The following NCOA7 variants were observed in gnomAD, a reference collection of about 807,000 sequenced individuals.
NCOA7 encodes the protein nuclear receptor coactivator 7.
In NCOA7, 45 loss-of-function variants were observed where a neutral mutation model predicts 104.3. That is an observed-to-expected ratio of 0.43 (90% CI 0.34 to 0.55). The LOEUF is 0.55. Among genes scored for constraint, NCOA7 ranks in the 20% least tolerant of loss-of-function variants. The pLI, the probability that NCOA7 is intolerant of heterozygous loss-of-function variation, is 0.02. For synonymous variants in NCOA7, 398 were observed against 402.3 expected (o/e 0.99, Z 0.13); for missense variants, 1,041 against 1,119.7 (o/e 0.93, Z 1.00).
At chr6:125,847,397 G>A (rs533207011) in intron 2 of NCOA7, among the ~76,000 whole-genome samples, 33 of 152,314 alleles carry the variant, frequency 2.2e-4, no homozygotes, top group Middle Eastern at 6.8e-3. Flanking sequence ...TTAACTAAAT[G>A]TAGTAACTAT....
intron 2 of NCOA7, among the ~76,000 whole-genome samples, chr6:125,839,869 G>A (rs138512594): frequency 2.8e-4 from 43 of 151,966 alleles, no homozygotes; most frequent in African/African-American, 8.9e-4. Context: ...AATTATTTAC[G>A]GTACATAATA....
chr6:125,881,134 G>T lies in NCOA7; in HGVS notation c.504G>T (p.Arg168Ser). The T allele has an allele frequency of 6.2e-7, 1 of 1,613,876 alleles. No individual in the cohort carries two copies. The highest frequency in any genetic ancestry group is 8.5e-7 in the Non-Finnish European group (1 of 1,179,926). ...PDANSPSSTL[R>S]LSSSSPGATV... is the part of the protein sequence containing the mutation. Reference sequence around the variant, plus strand: ...CCAACTCTCCTTCCAGTACCTTAAGGCTATCATCATCCAGTCCTGGTGCTA... The same window carrying T: ...CCAACTCTCCTTCCAGTACCTTAAGTCTATCATCATCCAGTCCTGGTGCTA... The change falls in exon 6 of 16, where the codon AGG (arginine) becomes AGT (serine). Residue 168 changes from arginine to serine, a missense_variant. Arg to Ser is a moderately radical substitution (Grantham distance 110). Transcript: ENST00000392477.
chr6:125,856,514 G>A (rs774553556), intron 3 of NCOA7, among the ~76,000 whole-genome samples: 1 of 151,926 alleles, frequency 6.6e-6, no homozygotes, highest in Non-Finnish European at 1.5e-5. Flanking sequence ...CACCACGCCC[G>A]GCTAATTTTT....
At chr6:125,796,230 G>A (rs79630755) in intron 1 of NCOA7, among the ~76,000 whole-genome samples, 6,283 of 151,878 alleles carry the variant, frequency 0.041, 416 homozygotes, top group African/African-American at 0.14. Flanking sequence ...CAAAATTGAC[G>A]TTCTGGTAAA....
chr6:125,897,057 CATT>C (rs1349075774), intron 10 of NCOA7, among the ~76,000 whole-genome samples: 3 of 152,230 alleles, frequency 2.0e-5, no homozygotes, highest in South Asian at 2.1e-4. Flanking sequence ...CTCACTATCT[CATT>C]ATAATATTTG....
Position 125,929,647 on chromosome 6 carries a change from A to T in NCOA7, c.*876A>T, listed in dbSNP as rs1405858283. 2 of 152,300 alleles carry T rather than the reference A, an allele frequency of 1.3e-5. No homozygotes were observed. The highest frequency in any genetic ancestry group is 4.8e-5 in the African/African-American group (2 of 41,576). 9.4% of individuals were successfully genotyped at this position (152,300 alleles called of 1,614,324 possible). ...ATTTTTAGTTACTTACCTTGAACAT[A>T]TTCGTGTGAAAAAGAATACATCATT... On this transcript the variant is annotated 3_prime_UTR_variant, in exon 16 of 16. Transcript: ENST00000392477.
chr6:125,869,987 A>G (rs138056925), intron 3 of NCOA7, among the ~76,000 whole-genome samples: 2 of 152,328 alleles, frequency 1.3e-5, no homozygotes, highest in African/African-American at 4.8e-5. Context: ...TCATCATGCC[A>G]TTCCCCTAAC....
chr6:125,791,120 C>G (rs536979877), intron 1 of NCOA7, 53 bp downstream of exon 1: 1 of 153,010 alleles, frequency 6.5e-6, no homozygotes, highest in Non-Finnish European at 1.5e-5. Flanking sequence ...CTGATGCTGC[C>G]GCCGAGAGGC....
At chr6:125,853,528 T>C (rs180967378) in intron 2 of NCOA7, among the ~76,000 whole-genome samples, 1 of 152,334 alleles carries the variant, frequency 6.6e-6, no homozygotes, top group East Asian at 1.9e-4. Flanking sequence ...CTGTCTCTTA[T>C]GCCATATACT....
chr6:125,855,276 T>TA (rs776413600), intron 3 of NCOA7, 36 bp downstream of exon 3: 7 of 1,482,074 alleles, frequency 4.7e-6, no homozygotes, highest in South Asian at 3.6e-5. Context: ...TATTTTCATT[T>TA]AAAAAATCTA....
chr6:125,884,977 C>G (rs1348976786), intron 7 of NCOA7, among the ~76,000 whole-genome samples, 182 bp from the exon 8 acceptor site: 1 of 152,202 alleles, frequency 6.6e-6, no homozygotes, highest in African/African-American at 2.4e-5. Context: ...TCTGCCTCAC[C>G]ACCTAGCATT....
At chr6:125,809,757 T>G (rs1006520798) in intron 1 of NCOA7, among the ~76,000 whole-genome samples, 1 of 152,226 alleles carries the variant, frequency 6.6e-6, no homozygotes, top group African/African-American at 2.4e-5. Context: ...AGCCTCAATG[T>G]GTACTCCTGA....
chr6:125,882,833 T>C (rs1783956614), intron 7 of NCOA7, among the ~76,000 whole-genome samples: 1 of 152,188 alleles, frequency 6.6e-6, no homozygotes, highest in South Asian at 2.1e-4. Flanking sequence ...ATACTGTACA[T>C]ATAACAGCAA....
chr6:125,789,691 AT>A (rs1774653383), upstream of NCOA7, among the ~76,000 whole-genome samples: 1 of 152,234 alleles, frequency 6.6e-6, no homozygotes, highest in Non-Finnish European at 1.5e-5. Flanking sequence ...ATTATTCCAC[AT>A]TTGCAAGACA....
At chr6:125,891,666 A>C (rs1035405228) in intron 10 of NCOA7, among the ~76,000 whole-genome samples, 4 of 152,208 alleles carry the variant, frequency 2.6e-5, no homozygotes, top group Admixed American at 1.3e-4. Flanking sequence ...ACAAAATTAA[A>C]TTCTAAGCAA....
chr6:125,802,315 G>A (rs895991832), intron 1 of NCOA7: 2 of 152,150 alleles, frequency 1.3e-5, no homozygotes, highest in East Asian at 3.9e-4. Flanking sequence ...TCATGGATTT[G>A]CAGGTTGACT....
intron 2 of NCOA7, among the ~76,000 whole-genome samples, chr6:125,846,968 C>G (rs1302080989): frequency 6.6e-6 from 1 of 152,142 alleles, no homozygotes; most frequent in Non-Finnish European, 1.5e-5. Context: ...CTGTTTAAAG[C>G]TTGTCATAAG....
intron 1 of NCOA7, among the ~76,000 whole-genome samples, chr6:125,796,469 A>C (rs1247385724): frequency 6.6e-6 from 1 of 151,316 alleles, no homozygotes; most frequent in Non-Finnish European, 1.5e-5. Flanking sequence ...ATGGTATAGT[A>C]TTTGGATATA....
chr6:125,847,798 A>G (rs945019945), intron 2 of NCOA7, among the ~76,000 whole-genome samples: 1 of 152,230 alleles, frequency 6.6e-6, no homozygotes, highest in Non-Finnish European at 1.5e-5. Context: ...GCCAAAATTG[A>G]CAAATGGGAT....
Sources: gnomAD v4.1 joint callset for allele counts (sites outside exome capture counted in the v4.1 genomes callset) on GRCh38, gnomAD v4.1.1 for gene constraint, MANE v1.5 for transcripts, NCBI Gene and HGNC (gene_info 2026-07-23, HGNC 2026-07-21) for gene names.